Variants in CDK14 observed in about 807,000 individuals in gnomAD.
CDK14 encodes cyclin-dependent kinase 14.
Under a neutral mutation model 60.7 loss-of-function variants are expected in CDK14, and 34 were observed. The observed-to-expected ratio is 0.56, with a 90% confidence interval of 0.43 to 0.75. The LOEUF is 0.75. Among genes scored for constraint, CDK14 ranks in the 30% least tolerant of loss-of-function variants. CDK14 has a pLI of 0.00. For synonymous variants in CDK14, 197 were observed against 203.7 expected, an observed-to-expected ratio of 0.97 and a Z score of 0.28; for missense variants, 482 against 564.1, an observed-to-expected ratio of 0.85 and a Z score of 1.47.
chr7:90,909,930 AAGAACTCAAAC>A lies in CDK14; in HGVS notation c.703-7668_703-7658del, dbSNP rs1382201970. Among the ~76,000 whole-genome samples, 9 of 152,316 alleles carry A rather than the reference AAGAACTCAAAC, an allele frequency of 5.9e-5. No homozygotes were observed. In the South Asian group the frequency reaches 1.5e-3, roughly 25 times the overall value. On this transcript the variant is annotated intron_variant, in intron 7 of 14. Transcript: ENST00000380050. ...ACTAAAAAAGCAGAAAGAAGAATGG[AAGAACTCAAAC>A]AGGGCAAAACAGTGGCAAGACAAAC...
intron 7 of CDK14, among the ~76,000 whole-genome samples, chr7:90,902,847 G>A (rs796132945): frequency 4.6e-5 from 7 of 152,112 alleles, no homozygotes; most frequent in African/African-American, 7.2e-5. Flanking sequence ...TTCATCTGAC[G>A]AGGGACTAAT....
intron 10 of CDK14, among the ~76,000 whole-genome samples, chr7:90,995,515 A>G (rs1490755474): frequency 6.6e-6 from 1 of 152,210 alleles, no homozygotes; most frequent in Non-Finnish European, 1.5e-5. Flanking sequence ...AACTTGTTGC[A>G]CACCAATAAT....
intron 14 of CDK14, among the ~76,000 whole-genome samples, chr7:91,151,819 G>A (rs143566842): frequency 3.4e-4 from 52 of 152,256 alleles, no homozygotes; most frequent in Middle Eastern, 3.4e-3. Flanking sequence ...CACTAAGATG[G>A]AGAAAGGAGT....
At chr7:90,687,046 A>T (rs11973312) in intron 2 of CDK14, among the ~76,000 whole-genome samples, 27,805 of 151,934 alleles carry the variant, frequency 0.18, 2,744 homozygotes, top group African/African-American at 0.24. Context: ...GTTGTGATTG[A>T]ATTTTTTTTT....
chr7:90,850,377 A>G (rs1009112123), intron 5 of CDK14, among the ~76,000 whole-genome samples: 1 of 152,188 alleles, frequency 6.6e-6, no homozygotes, highest in Non-Finnish European at 1.5e-5. Context: ...ATTGAGTGCT[A>G]TGGGCACAGC....
chr7:90,649,297 T>TTTTCTTTCTTTCTTTCC (rs1800546285), intron 2 of CDK14, among the ~76,000 whole-genome samples: 1 of 69,332 alleles, frequency 1.4e-5, no homozygotes, highest in African/African-American at 7.4e-5. Flanking sequence ...TCTTTCTTTC[T>TTTTCTTTCTTTCTTTCC]TTCTTTCTTT....
intron 4 of CDK14, among the ~76,000 whole-genome samples, chr7:90,786,159 G>T (rs1318348224): frequency 6.6e-6 from 1 of 152,214 alleles, no homozygotes; most frequent in Admixed American, 6.5e-5. Flanking sequence ...TAAGCATAAA[G>T]AATCTCTGAA....
chr7:90,647,308 G>A (rs1240375170), intron 2 of CDK14, among the ~76,000 whole-genome samples: 1 of 152,126 alleles, frequency 6.6e-6, no homozygotes, highest in East Asian at 1.9e-4. Flanking sequence ...TAACCTCTGT[G>A]ACTGGTTCTT....
intron 6 of CDK14, among the ~76,000 whole-genome samples, chr7:90,868,559 T>C (rs898597535): frequency 6.6e-6 from 1 of 152,090 alleles, no homozygotes; most frequent in African/African-American, 2.4e-5. Context: ...CCTATTGTGC[T>C]ATAAACTAGT....
intron 11 of CDK14, among the ~76,000 whole-genome samples, chr7:91,062,253 G>A (rs771560655): frequency 3.3e-5 from 5 of 152,158 alleles, no homozygotes; most frequent in Non-Finnish European, 7.3e-5. Context: ...TTGGAAAAGC[G>A]CAGTATTAGG....
intron 14 of CDK14, among the ~76,000 whole-genome samples, chr7:91,185,194 A>G (rs1417849566): frequency 6.7e-6 from 1 of 150,270 alleles, no homozygotes; most frequent in Admixed American, 6.7e-5. Context: ...CAGAGAGAGT[A>G]AACAATGATA....
intron 4 of CDK14, among the ~76,000 whole-genome samples, chr7:90,761,435 A>T (rs1328014593): frequency 6.6e-6 from 1 of 151,850 alleles, no homozygotes; most frequent in Non-Finnish European, 1.5e-5. Context: ...GTGGTTTTTG[A>T]GGAGGACTTG....
intron 3 of CDK14, among the ~76,000 whole-genome samples, chr7:90,732,689 C>T (rs1802918913): frequency 6.6e-6 from 1 of 151,796 alleles, no homozygotes; most frequent in East Asian, 1.9e-4. Flanking sequence ...TGTTGATATC[C>T]CCCTAATCAT....
At chr7:90,677,074 T>C (rs952624932) in intron 2 of CDK14, among the ~76,000 whole-genome samples, 6 of 152,180 alleles carry the variant, frequency 3.9e-5, no homozygotes, top group African/African-American at 1.4e-4. Flanking sequence ...TTAGCAGATA[T>C]TTTAGGATGT....
At chr7:91,107,194 T>C (rs541646241) in intron 12 of CDK14, among the ~76,000 whole-genome samples, 3 of 152,368 alleles carry the variant, frequency 2.0e-5, no homozygotes, top group African/African-American at 7.2e-5. Flanking sequence ...TAGTATAAAG[T>C]GTGGTACATT....
chr7:90,903,651 C>T (rs1025220167), intron 7 of CDK14, among the ~76,000 whole-genome samples: 2 of 151,984 alleles, frequency 1.3e-5, no homozygotes, highest in African/African-American at 2.4e-5. Context: ...GTTGACAGCA[C>T]AGTAGTCTAA....
rs1264048227 is a variant in CDK14 at position 91,112,642 on chromosome 7, T to C, written c.1255T>C (p.Phe419Leu). 1 of 1,613,698 alleles carries C rather than the reference T, an allele frequency of 6.2e-7. No individual in the cohort carries two copies. Among genetic ancestry groups the C allele is most frequent in the South Asian group, 1.1e-5 (1 of 91,074 alleles). Residue 419 changes from phenylalanine to leucine, a missense_variant, in exon 13 of 15, where the codon TTT (phenylalanine) becomes CTT (leucine). Physicochemically the swap from Phe to Leu is conservative, Grantham distance 22 (BLOSUM62 0). Transcript: ENST00000380050. The stretch of plus-strand genomic sequence containing the variant: ...ACAGGCTGCCTTGAGCCACGAGTAT[T>C]TTAGTGACCTGCCGCCACGGCTATG... ...SAQAALSHEY[F>L]SDLPPRLWEL... is the part of the protein sequence containing the mutation.
In CDK14 at chr7:90,600,841, C is replaced by CT. The variant is rs1242180165; in HGVS notation, c.92-3373dup. Among the ~76,000 whole-genome samples the CT allele has an allele frequency of 7.9e-5, 12 of 152,296 alleles. No individual in the cohort carries two copies. The East Asian group carries it at 2.3e-3, about 29-fold the overall frequency. ...TAAGTGTGTCTCAAAAGATACTCTC[C>CT]TTTTGCCATTGAGGTAGGACTCATT... On this transcript the variant is annotated intron_variant, in intron 1 of 14. Transcript: ENST00000380050.
rs541063098 is a variant in CDK14 at position 90,723,821 on chromosome 7, T to C, written c.124-2746T>C. ...ATGGTTTACTATCTTCTTTATATAT[T>C]GTTGCATTCAATTTGTTGAAGATGT... On this transcript the variant is annotated intron_variant, in intron 2 of 14. Coordinates refer to ENST00000380050, the MANE Select transcript of CDK14 (RefSeq NM_001287135.2). Among the ~76,000 whole-genome samples the C allele has an allele frequency of 5.3e-5, 8 of 152,318 alleles. No homozygotes were observed. The East Asian group carries it at 7.7e-4, about 15-fold the overall frequency.
Sources: allele counts gnomAD v4.1 joint callset (sites outside exome capture counted in the v4.1 genomes callset), GRCh38; gene constraint gnomAD v4.1.1; transcripts MANE v1.5; gene names NCBI Gene and HGNC (gene_info 2026-07-23, HGNC 2026-07-21).